The following MRPL48 variants were observed in gnomAD, a reference collection of about 807,000 sequenced individuals.
The protein encoded by MRPL48 is large ribosomal subunit protein mL48.
MRPL48 carries 16 observed loss-of-function variants against 32.9 expected under a neutral mutation model. The observed-to-expected ratio is 0.49, with a 90% CI of 0.33 to 0.74. MRPL48 has a LOEUF of 0.74. Ranked by LOEUF, MRPL48 falls within the 30% of genes least tolerant of loss-of-function variation. MRPL48 has a pLI of 0.02. For missense variants in MRPL48, 206 were observed against 245.3 expected (o/e 0.84, Z 1.07); for synonymous variants, 94 against 89.2 (o/e 1.05, Z -0.31).
At position 73,844,805 on chromosome 11, in the gene MRPL48, A is replaced by G; in HGVS notation, c.202-2A>G. The stretch of plus-strand genomic sequence containing the variant: ...TTCTTTCTCTCTTTGTTTTCTCTTC[A>G]GCCCAAGAAGAAGAAGGGAAAAGTG... On this transcript the variant is annotated splice_acceptor_variant, in intron 4 of 7. Coordinates refer to ENST00000310614, the MANE Select transcript of MRPL48 (RefSeq NM_016055.6). LOFTEE classifies it high-confidence loss of function. 1 of 1,611,930 alleles carries G rather than the reference A, an allele frequency of 6.2e-7. No individual in the cohort carries two copies.
chr11:73,851,135 TCC>T, intron 5 of MRPL48: 1 of 455,320 alleles, frequency 2.2e-6, no homozygotes, highest in Non-Finnish European at 4.5e-6. Context: ...TCATCACTTG[TCC>T]TTATCACTTT....
intron 3 of MRPL48, among the ~76,000 whole-genome samples, chr11:73,817,011 T>A (rs1331783585): frequency 6.6e-6 from 1 of 151,726 alleles, no homozygotes; most frequent in Admixed American, 6.6e-5. Context: ...GTATTTTTTT[T>A]AATAGAGACG....
chr11:73,797,591 G>T (rs1159846475), intron 1 of MRPL48, among the ~76,000 whole-genome samples: 1 of 152,218 alleles, frequency 6.6e-6, no homozygotes, highest in East Asian at 1.9e-4. Context: ...CTCGCAGAGA[G>T]CCAGTGCCTG....
At chr11:73,828,549 A>G (rs1947941209) in intron 4 of MRPL48, among the ~76,000 whole-genome samples, 1 of 152,200 alleles carries the variant, frequency 6.6e-6, no homozygotes, top group Non-Finnish European at 1.5e-5. Flanking sequence ...TACAAAATGG[A>G]TGAACAAGAC....
intron 1 of MRPL48, among the ~76,000 whole-genome samples, chr11:73,793,153 C>T (rs1185625495): frequency 1.3e-5 from 2 of 152,178 alleles, no homozygotes; most frequent in African/African-American, 4.8e-5. Flanking sequence ...ACAACCTCTG[C>T]CTCCTGGGTT....
intron 3 of MRPL48, among the ~76,000 whole-genome samples, chr11:73,812,813 G>A (rs148801155): frequency 0.01 from 1,552 of 150,788 alleles, 27 homozygotes; most frequent in African/African-American, 0.036. Context: ...ACAGTGGCAC[G>A]ATCTTGGCTC....
chr11:73,864,795 C>CT lies in MRPL48; in HGVS notation c.*437dup, dbSNP rs1277066784. The CT allele has an allele frequency of 9.3e-3, 1,507 of 161,824 alleles. No individual in the cohort carries two copies. The highest frequency in any genetic ancestry group is 0.025 in the South Asian group (152 of 6,140). The allele number at this position is 161,824 out of a possible 1,614,324, so 10.0% of individuals were successfully genotyped here. A position where few individuals can be genotyped will look rare whatever the true frequency, so the allele number is the denominator to read the frequency against. On this transcript the variant is annotated 3_prime_UTR_variant, in exon 8 of 8. Transcript: ENST00000310614. ...ACATTCTGTCTTTACCAAAAACATT[C>CT]TTTTTTTTTTTTCCGAAACGGAGTC...
At chr11:73,821,677 T>G (rs1291036631) in intron 3 of MRPL48, among the ~76,000 whole-genome samples, 3 of 152,184 alleles carry the variant, frequency 2.0e-5, no homozygotes, top group African/African-American at 4.8e-5. Flanking sequence ...ACAGCCCTTA[T>G]CACCTTGCAT....
chr11:73,839,402 A>T (rs1353999697), intron 4 of MRPL48, among the ~76,000 whole-genome samples: 4 of 152,096 alleles, frequency 2.6e-5, no homozygotes, highest in African/African-American at 9.7e-5. Flanking sequence ...CCATAGCAAG[A>T]CTTACTATAA....
chr11:73,845,133 A>C, intron 5 of MRPL48, 157 bp downstream of exon 5: 1 of 727,756 alleles, frequency 1.4e-6, no homozygotes, highest in Non-Finnish European at 2.0e-6. Context: ...AGTTCTATTA[A>C]CCTGAAAAGT....
At chr11:73,810,305 T>G (rs2134974094) in intron 3 of MRPL48, among the ~76,000 whole-genome samples, 1 of 152,238 alleles carries the variant, frequency 6.6e-6, no homozygotes, top group East Asian at 1.9e-4. Context: ...GCGGATCACC[T>G]TAGGTCAGGA....
chr11:73,825,458 C>T (rs530164701), intron 3 of MRPL48, among the ~76,000 whole-genome samples: 13 of 151,718 alleles, frequency 8.6e-5, no homozygotes, highest in African/African-American at 2.9e-4. Context: ...AAGACTCCAG[C>T]TCTACAAAAA....
At chr11:73,846,475 C>A (rs868726079) in intron 5 of MRPL48, among the ~76,000 whole-genome samples, 1 of 151,960 alleles carries the variant, frequency 6.6e-6, no homozygotes, top group Non-Finnish European at 1.5e-5. Flanking sequence ...TCTGCCTCAG[C>A]CTCCCAAGTA....
chr11:73,859,827 C>A (rs1395781214), intron 5 of MRPL48, 80 bp from the exon 6 acceptor site: 2 of 1,183,362 alleles, frequency 1.7e-6, no homozygotes, highest in South Asian at 1.3e-5. Context: ...GCCATAGTGG[C>A]TATACTCATG....
chr11:73,807,836 G>A (rs1465863935), intron 2 of MRPL48, among the ~76,000 whole-genome samples: 3 of 151,828 alleles, frequency 2.0e-5, no homozygotes, highest in East Asian at 1.9e-4. Context: ...ACGGGGTTTC[G>A]CCATATTGGG....
chr11:73,859,441 C>T (rs1188412101), intron 5 of MRPL48, among the ~76,000 whole-genome samples: 1 of 151,996 alleles, frequency 6.6e-6, no homozygotes, highest in African/African-American at 2.4e-5. Context: ...GCCACCACAC[C>T]TAGCTAATTT....
At chr11:73,803,510 A>C (rs1947393964) in intron 1 of MRPL48, among the ~76,000 whole-genome samples, 1 of 151,754 alleles carries the variant, frequency 6.6e-6, no homozygotes, top group African/African-American at 2.4e-5. Flanking sequence ...AGATTTCCTT[A>C]CTTTTTCTCT....
chr11:73,839,417 C>T (rs1948153716), intron 4 of MRPL48, among the ~76,000 whole-genome samples: 2 of 152,030 alleles, frequency 1.3e-5, no homozygotes, highest in South Asian at 2.1e-4. Context: ...CTATAAATCT[C>T]CAATTATTAG....
At chr11:73,863,739 C>T (rs1948622974) in intron 7 of MRPL48, among the ~76,000 whole-genome samples, 1 of 152,168 alleles carries the variant, frequency 6.6e-6, no homozygotes, top group African/African-American at 2.4e-5. Flanking sequence ...CATTAGGAGT[C>T]TTAGCCTAAA....
Sources: allele counts gnomAD v4.1 joint callset (sites outside exome capture counted in the v4.1 genomes callset), GRCh38; gene constraint gnomAD v4.1.1; transcripts MANE v1.5; gene names NCBI Gene and HGNC (gene_info 2026-07-23, HGNC 2026-07-21).